WDR7: variants seen among roughly 807,000 people sequenced by gnomAD.
WDR7 encodes WD repeat-containing protein 7.
Under a neutral mutation model 169.4 loss-of-function variants are expected in WDR7, and 46 were observed. That is an observed-to-expected ratio of 0.27 (90% CI 0.21 to 0.35). The LOEUF (loss-of-function observed/expected upper bound fraction) is 0.35, where lower values mean the gene tolerates loss of function less well. Among genes scored for constraint, WDR7 ranks in the 10% least tolerant of loss-of-function variants. The pLI is 1.00. For synonymous variants in WDR7, 612 were observed against 666.8 expected, an observed-to-expected ratio of 0.92 and a Z score of 1.27; for missense variants, 1,534 against 1,859.3, an observed-to-expected ratio of 0.83 and a Z score of 3.22.
intron 20 of WDR7, among the ~76,000 whole-genome samples, chr18:56,855,801 A>G (rs1244340368): frequency 6.6e-6 from 1 of 152,120 alleles, no homozygotes; most frequent in Non-Finnish European, 1.5e-5. Flanking sequence ...GTTCTCTAAT[A>G]CATTTTGTAG....
In WDR7 at chr18:56,957,090, C is replaced by T. The variant is rs2047261544; in HGVS notation, c.4065-5340C>T. Reference sequence around the variant, plus strand: ...TCTGTGTACAGTATAACCTAAGTTCCCATCAGAAAAAGAATGGTTAAATAA... The same window carrying T: ...TCTGTGTACAGTATAACCTAAGTTCTCATCAGAAAAAGAATGGTTAAATAA... On this transcript the variant is annotated intron_variant, in intron 25 of 27. Transcript: ENST00000254442. Among the ~76,000 whole-genome samples the T allele has an allele frequency of 2.6e-5, 4 of 151,888 alleles. 1 individual carries two copies. The South Asian group carries it at 8.3e-4, about 32-fold the overall frequency.
intron 25 of WDR7, among the ~76,000 whole-genome samples, chr18:56,955,541 C>A (rs2047239088): frequency 6.6e-6 from 1 of 152,088 alleles, no homozygotes; most frequent in African/African-American, 2.4e-5. Flanking sequence ...TCTGAGCATT[C>A]ATTTTCCTTA....
At position 56,691,785 on chromosome 18, in the gene WDR7, C is replaced by A; in HGVS notation, c.934C>A (p.Gln312Lys). Reference sequence around the variant, plus strand: ...AGTTGAAAATTTAATTCCTCCTGTACAACATATCCTCTTGGATCGAAAAGA... The same window carrying A: ...AGTTGAAAATTTAATTCCTCCTGTAAAACATATCCTCTTGGATCGAAAAGA... The part of the protein sequence containing the change: ...KAVENLIPPV[Q>K]HILLDRKDKE... Residue 312 changes from glutamine to lysine, a missense_variant, in exon 9 of 28, where the codon CAA becomes AAA. Gln to Lys is a moderately conservative substitution (Grantham distance 53). Transcript: ENST00000254442. 1 of 1,611,942 alleles carries A rather than the reference C, an allele frequency of 6.2e-7. No individual in the cohort carries two copies. The highest frequency in any genetic ancestry group is 1.3e-5 in the African/African-American group (1 of 74,940).
chr18:56,791,843 G>A (rs1377512570), intron 19 of WDR7, among the ~76,000 whole-genome samples: 1 of 152,128 alleles, frequency 6.6e-6, no homozygotes, highest in Non-Finnish European at 1.5e-5. Flanking sequence ...AGGGACTCTA[G>A]CATGATGGTT....
At chr18:56,888,097 A>C (rs1348961881) in intron 21 of WDR7, among the ~76,000 whole-genome samples, 3 of 152,196 alleles carry the variant, frequency 2.0e-5, no homozygotes, top group African/African-American at 7.2e-5. Flanking sequence ...GTGAGTTCTA[A>C]CCTTCCTCCT....
intron 14 of WDR7, among the ~76,000 whole-genome samples, chr18:56,749,382 GTGTT>G (rs1051343172): frequency 2.8e-5 from 3 of 106,208 alleles, no homozygotes; most frequent in Admixed American, 9.6e-5. Flanking sequence ...AAGTGTGTGT[GTGTT>G]TGTGTGTGTG....
chr18:56,850,679 T>G (rs1454189421), intron 20 of WDR7, among the ~76,000 whole-genome samples: 1 of 152,046 alleles, frequency 6.6e-6, no homozygotes, highest in Admixed American at 6.6e-5. Flanking sequence ...TTGACTAACT[T>G]TTTTATTATT....
At chr18:56,678,960 G>C (rs111968877) in intron 2 of WDR7, among the ~76,000 whole-genome samples, 19 of 152,334 alleles carry the variant, frequency 1.2e-4, no homozygotes, top group African/African-American at 4.6e-4. Context: ...ACTTGGACTG[G>C]GGGGTGGAAT....
chr18:56,916,363 C>T (rs913318002), intron 21 of WDR7, among the ~76,000 whole-genome samples: 6 of 151,288 alleles, frequency 4.0e-5, no homozygotes, highest in Non-Finnish European at 5.9e-5. Flanking sequence ...TGAGAACATG[C>T]GGTGTTTGGT....
chr18:56,665,306 A>AAG (rs10688820), intron 1 of WDR7, among the ~76,000 whole-genome samples: 119,716 of 134,112 alleles, frequency 0.89, 54,682 homozygotes, highest in Non-Finnish European at 0.99. Flanking sequence ...AAAAAAAAAA[A>AAG]AAGAAGAAGA....
At position 56,900,080 on chromosome 18, in the gene WDR7, GTGTATATATATATA is replaced by G. The variant is rs934413807; in HGVS notation, c.3526+19917_3526+19930del. Among the ~76,000 whole-genome samples the G allele has an allele frequency of 8.2e-3, 247 of 30,248 alleles. 1 individual carries two copies. Among genetic ancestry groups the G allele is most frequent in the Middle Eastern group, 0.019 (1 of 54 alleles). 19.8% of individuals were successfully genotyped at this position (30,248 alleles called of 152,430 possible). A position where few individuals can be genotyped will look rare whatever the true frequency, so the allele number is the denominator to read the frequency against. ...CATATATATATGTGTGTGTGTGTGT[GTGTATATATATATA>G]TATATATATATATATAAAATTGTTA... is the stretch of plus-strand genomic sequence containing the variant. On this transcript the variant is annotated intron_variant, in intron 21 of 27. Coordinates refer to ENST00000254442, the MANE Select transcript of WDR7 (RefSeq NM_015285.3).
chr18:56,728,886 A>G (rs113634058), intron 13 of WDR7, among the ~76,000 whole-genome samples: 2,130 of 152,156 alleles, frequency 0.014, 42 homozygotes, highest in African/African-American at 0.047. Flanking sequence ...GCACCCTCTC[A>G]GCCTCTGACA....
intron 20 of WDR7, among the ~76,000 whole-genome samples, chr18:56,829,776 A>G (rs1479815877): frequency 6.6e-6 from 1 of 152,222 alleles, no homozygotes; most frequent in Non-Finnish European, 1.5e-5. Context: ...TGGGAGGCAC[A>G]GGAGGAAGAA....
At chr18:56,721,089 C>T (rs1412837811) in intron 13 of WDR7, among the ~76,000 whole-genome samples, 1 of 151,766 alleles carries the variant, frequency 6.6e-6, no homozygotes. Flanking sequence ...TCAGATTCAG[C>T]CAGGGTTTGA....
chr18:56,804,283 A>T (rs2044728367), intron 19 of WDR7, among the ~76,000 whole-genome samples: 1 of 152,356 alleles, frequency 6.6e-6, no homozygotes, highest in East Asian at 1.9e-4. Flanking sequence ...CACAATCTCA[A>T]ACTCTAAAAT....
chr18:56,774,951 A>G (rs1460229839), intron 16 of WDR7, among the ~76,000 whole-genome samples: 1 of 152,086 alleles, frequency 6.6e-6, no homozygotes, highest in East Asian at 1.9e-4. Context: ...AATATCGAGA[A>G]TCTGTTTTTT....
At chr18:56,731,273 T>C in intron 13 of WDR7, 110 bp from the exon 14 acceptor site, 3 of 1,277,874 alleles carry the variant, frequency 2.3e-6, no homozygotes, top group Non-Finnish European at 3.2e-6. Flanking sequence ...CCAGGAGGCA[T>C]TGATAAAACA....
chr18:56,720,360 A>T (rs907521232), intron 13 of WDR7, among the ~76,000 whole-genome samples: 2 of 152,018 alleles, frequency 1.3e-5, no homozygotes, highest in African/African-American at 4.8e-5. Context: ...GAGGTGAGAG[A>T]ATCACTTGAG....
At chr18:56,740,430 T>G (rs970350272) in intron 14 of WDR7, among the ~76,000 whole-genome samples, 1 of 152,214 alleles carries the variant, frequency 6.6e-6, no homozygotes, top group Non-Finnish European at 1.5e-5. Context: ...AGTTATATGC[T>G]GTAATCTCTT....
Sources: allele counts gnomAD v4.1 joint callset (sites outside exome capture counted in the v4.1 genomes callset), GRCh38; gene constraint gnomAD v4.1.1; transcripts MANE v1.5; gene names NCBI Gene and HGNC (gene_info 2026-07-23, HGNC 2026-07-21).